Variants in ENOX1 observed in about 807,000 individuals in gnomAD.
The protein encoded by ENOX1 is ecto-NOX disulfide-thiol exchanger 1.
In ENOX1, 42 loss-of-function variants were observed where a neutral mutation model predicts 82.5. That is an observed-to-expected ratio of 0.51 (90% confidence interval 0.40 to 0.66). The LOEUF is 0.66. Ranked by LOEUF, ENOX1 falls within the 30% of genes least tolerant of loss-of-function variation. The pLI, the probability that ENOX1 is intolerant of heterozygous loss-of-function variation, is 0.00. For synonymous variants in ENOX1, 271 were observed against 282.2 expected, an observed-to-expected ratio of 0.96 and a Z score of 0.40; for missense variants, 608 against 811.6, an observed-to-expected ratio of 0.75 and a Z score of 3.05.
chr13:43,356,273 T>C (rs2050151784), intron 7 of ENOX1, 121 bp from the exon 8 acceptor site: 2 of 789,644 alleles, frequency 2.5e-6, no homozygotes, highest in Non-Finnish European at 2.0e-6. Flanking sequence ...TACGGATACA[T>C]TTCCCATAGG....
intron 11 of ENOX1, chr13:43,321,025 CT>C (rs1209922151): frequency 4.4e-6 from 2 of 455,992 alleles, no homozygotes; most frequent in Non-Finnish European, 8.8e-6. Flanking sequence ...CACATAAGTG[CT>C]GGGTTCATTT....
At chr13:43,454,079 T>C (rs1176294603) in intron 3 of ENOX1, among the ~76,000 whole-genome samples, 1 of 152,182 alleles carries the variant, frequency 6.6e-6, no homozygotes, top group Non-Finnish European at 1.5e-5. Flanking sequence ...TTGTCCATGT[T>C]GGTTTTATAA....
chr13:43,752,505 T>C (rs577479968), intron 1 of ENOX1, among the ~76,000 whole-genome samples: 11 of 152,334 alleles, frequency 7.2e-5, no homozygotes, highest in African/African-American at 2.6e-4. Context: ...ACAAGATTTA[T>C]AGTTTTAGGT....
intron 1 of ENOX1, among the ~76,000 whole-genome samples, chr13:43,703,177 G>A (rs2087018242): frequency 6.6e-6 from 1 of 151,980 alleles, no homozygotes; most frequent in Non-Finnish European, 1.5e-5. Flanking sequence ...ATAGTACCAG[G>A]CACAGACTAA....
At chr13:43,415,291 G>A (rs11618039) in intron 3 of ENOX1, among the ~76,000 whole-genome samples, 94,461 of 135,566 alleles carry the variant, frequency 0.7, 36,961 homozygotes, top group Non-Finnish European at 0.86. Flanking sequence ...GGTGTTTCTC[G>A]GAGAGGGGGA....
At chr13:43,699,616 A>C (rs1309983808) in intron 1 of ENOX1, among the ~76,000 whole-genome samples, 1 of 152,234 alleles carries the variant, frequency 6.6e-6, no homozygotes, top group African/African-American at 2.4e-5. Flanking sequence ...CTAGGTTTGC[A>C]TACAGAGATT....
intron 3 of ENOX1, among the ~76,000 whole-genome samples, chr13:43,448,439 A>G (rs2153628938): frequency 6.6e-6 from 1 of 152,338 alleles, no homozygotes; most frequent in Non-Finnish European, 1.5e-5. Context: ...GGTTTTTAAA[A>G]TTTAAGAGCA....
At chr13:43,772,749 TAAAAAAAA>T (rs35359203) in intron 1 of ENOX1, among the ~76,000 whole-genome samples, 38 of 112,100 alleles carry the variant, frequency 3.4e-4, no homozygotes, top group African/African-American at 1.3e-3. Context: ...ACTCTGTCTT[TAAAAAAAA>T]AAAAAAAAAA....
At chr13:43,248,387 G>A (rs1762812053) in intron 14 of ENOX1, among the ~76,000 whole-genome samples, 1 of 151,778 alleles carries the variant, frequency 6.6e-6, no homozygotes, top group South Asian at 2.1e-4. Flanking sequence ...AAAAAACTAT[G>A]CAATCGCTTT....
chr13:43,373,324 G>A (rs934955901), intron 5 of ENOX1, among the ~76,000 whole-genome samples: 7 of 152,002 alleles, frequency 4.6e-5, no homozygotes, highest in Admixed American at 6.6e-5. Flanking sequence ...CTTCTCCAAG[G>A]GAAATCAGAA....
intron 2 of ENOX1, among the ~76,000 whole-genome samples, chr13:43,523,024 T>C (rs2077837491): frequency 6.6e-6 from 1 of 152,182 alleles, no homozygotes; most frequent in African/African-American, 2.4e-5. Context: ...GCAGTGCATC[T>C]TGAATGACTC....
intron 11 of ENOX1, among the ~76,000 whole-genome samples, chr13:43,309,773 T>C (rs1593848451): frequency 1.3e-5 from 2 of 152,184 alleles, no homozygotes; most frequent in African/African-American, 4.8e-5. Context: ...TTAAACCCTC[T>C]ATATATTGAG....
chr13:43,434,429 G>T (rs2055870238), intron 3 of ENOX1, among the ~76,000 whole-genome samples: 1 of 152,080 alleles, frequency 6.6e-6, no homozygotes, highest in Non-Finnish European at 1.5e-5. Context: ...CACTGTGGGT[G>T]TGGCTGTTCC....
intron 5 of ENOX1, among the ~76,000 whole-genome samples, 148 bp downstream of exon 5, chr13:43,411,763 GGAAAA>G (rs2054140756): frequency 6.6e-6 from 1 of 152,180 alleles, no homozygotes; most frequent in Non-Finnish European, 1.5e-5. Flanking sequence ...AAGGTGATGA[GGAAAA>G]GAATCTCAAG....
intron 9 of ENOX1, among the ~76,000 whole-genome samples, chr13:43,326,928 C>A (rs1225010282): frequency 6.6e-6 from 1 of 152,200 alleles, no homozygotes; most frequent in Non-Finnish European, 1.5e-5. Context: ...GGAGAAGTGG[C>A]TGAACGAGGA....
intron 2 of ENOX1, among the ~76,000 whole-genome samples, chr13:43,565,229 A>C (rs2079866572): frequency 6.6e-6 from 1 of 152,190 alleles, no homozygotes; most frequent in Non-Finnish European, 1.5e-5. Flanking sequence ...GGCAGAGGGA[A>C]CAGCAAGAAC....
chr13:43,703,497 G>A (rs2087039052), intron 1 of ENOX1, among the ~76,000 whole-genome samples: 1 of 152,170 alleles, frequency 6.6e-6, no homozygotes, highest in Admixed American at 6.5e-5. Context: ...CCTCTCTGAA[G>A]CGTCTCTGGG....
chr13:43,607,971 C>CAAGTCACTGAGCA (rs1287029348), intron 2 of ENOX1, among the ~76,000 whole-genome samples: 2 of 152,110 alleles, frequency 1.3e-5, no homozygotes, highest in African/African-American at 4.8e-5. Context: ...CTGGAAGCAC[C>CAAGTCACTGAGCA]AAGTCACTGA....
chr13:43,313,779 T>A (rs1461129765), intron 11 of ENOX1, among the ~76,000 whole-genome samples: 1 of 152,214 alleles, frequency 6.6e-6, no homozygotes, highest in East Asian at 1.9e-4. Flanking sequence ...TTTCATTCCA[T>A]TATATAGTCT....
Sources: allele counts gnomAD v4.1 joint callset (sites outside exome capture counted in the v4.1 genomes callset), GRCh38; gene constraint gnomAD v4.1.1; transcripts MANE v1.5; gene names NCBI Gene and HGNC (gene_info 2026-07-23, HGNC 2026-07-21).